Variants in RBFOX3 observed in about 807,000 individuals in gnomAD.
RBFOX3 encodes RNA binding protein fox-1 homolog 3.
RBFOX3 carries 17 observed loss-of-function variants against 48.7 expected under a neutral mutation model. The ratio of observed to expected loss-of-function variants is 0.35; its 90% CI spans 0.24 to 0.52. The LOEUF (loss-of-function observed/expected upper bound fraction) is 0.52. Among genes scored for constraint, RBFOX3 ranks in the 20% least tolerant of loss-of-function variants. The probability of loss-of-function intolerance (pLI) is 0.94; values close to 1 mark genes in which losing one functional copy is unlikely to be tolerated. For synonymous variants in RBFOX3, 212 were observed against 209.5 expected (o/e 1.01, Z -0.10); for missense variants, 382 against 497.5 (o/e 0.77, Z 2.21).
intron 2 of RBFOX3, among the ~76,000 whole-genome samples, chr17:79,388,530 GAGA>G (rs2060894520): frequency 6.6e-6 from 1 of 152,222 alleles, no homozygotes; most frequent in South Asian, 2.1e-4. Context: ...ATTTTTAAAA[GAGA>G]AGATTTTTAA....
intron 3 of RBFOX3, among the ~76,000 whole-genome samples, chr17:79,301,664 G>A (rs1263033104): frequency 1.3e-5 from 2 of 152,186 alleles, no homozygotes; most frequent in Non-Finnish European, 2.9e-5. Context: ...ACCCGCAGCA[G>A]CACTACTCCC....
intron 3 of RBFOX3, among the ~76,000 whole-genome samples, chr17:79,294,396 C>T (rs1040124530): frequency 6.6e-6 from 1 of 152,168 alleles, no homozygotes. Flanking sequence ...CTGCAACCTC[C>T]ATCTTCCGGG....
intron 2 of RBFOX3, among the ~76,000 whole-genome samples, chr17:79,370,339 G>C (rs1377981980): frequency 6.6e-6 from 1 of 152,210 alleles, no homozygotes; most frequent in East Asian, 1.9e-4. Context: ...CCCACCCAGG[G>C]CCTCACTTGA....
At position 79,526,520 on chromosome 17, in the gene RBFOX3, G is replaced by A. The variant is rs995366224; in HGVS notation, c.-319-43922C>T. On this transcript the variant is annotated intron_variant, in intron 1 of 14. Coordinates refer to ENST00000693108, the MANE Select transcript of RBFOX3 (RefSeq NM_001350451.2). ...GGCCTGAATGCCCCGAGTGGTCCCC[G>A]GACGCACTCTTGGACCAGGTCATGA... Among the ~76,000 whole-genome samples, 8 of 152,242 alleles carry A rather than the reference G, an allele frequency of 5.3e-5. No homozygotes were observed. The South Asian group carries it at 1.0e-3, about 20-fold the overall frequency.
chr17:79,477,328 A>C lies in RBFOX3; in HGVS notation c.-175+5126T>G, dbSNP rs1966092. ...TCCCAGCACTTTGGGAGGCCAAGGC[A>C]GGTGGATCACGAGGTCAGGAGATCG... On this transcript the variant is annotated intron_variant, in intron 2 of 14. Coordinates refer to ENST00000693108, the MANE Select transcript of RBFOX3 (RefSeq NM_001350451.2). This position sits in a 1 kb window ranked among gnomAD's most constrained non-coding sequence, Gnocchi z 4.8. Among the ~76,000 whole-genome samples the C allele has an allele frequency of 6.7e-6, 1 of 148,788 alleles. No homozygotes were observed. Among genetic ancestry groups the C allele is most frequent in the Admixed American group, 6.7e-5 (1 of 14,976 alleles).
intron 4 of RBFOX3, among the ~76,000 whole-genome samples, chr17:79,139,012 G>A (rs914440103): frequency 9.7e-5 from 11 of 113,038 alleles, no homozygotes; most frequent in African/African-American, 4.1e-4. Flanking sequence ...CACAGCACAT[G>A]CGTTCATGCC....
chr17:79,194,305 G>A (rs554046884), intron 4 of RBFOX3, among the ~76,000 whole-genome samples: 1 of 152,094 alleles, frequency 6.6e-6, no homozygotes, highest in African/African-American at 2.4e-5. Context: ...CAGGAATCTA[G>A]GTACAAACTG....
intron 2 of RBFOX3, among the ~76,000 whole-genome samples, chr17:79,424,451 G>C (rs113359808): frequency 6.6e-6 from 1 of 152,112 alleles, no homozygotes; most frequent in Non-Finnish European, 1.5e-5. Flanking sequence ...CGCTCCCCCC[G>C]CAACTGAGCT....
At chr17:79,184,254 C>A (rs912847930) in intron 4 of RBFOX3, among the ~76,000 whole-genome samples, 1 of 152,202 alleles carries the variant, frequency 6.6e-6, no homozygotes, top group East Asian at 1.9e-4. Flanking sequence ...ACATCCCAGC[C>A]TCCTGCCACA....
At chr17:79,657,563 C>T in the RBFOX3 span, among the ~76,000 whole-genome samples, 1 of 152,196 alleles carries the variant, frequency 6.6e-6, no homozygotes. Flanking sequence ...ACTGTAGTCC[C>T]AGCTACTCAG....
At chr17:79,637,446 C>G in the RBFOX3 span, among the ~76,000 whole-genome samples, 1 of 152,028 alleles carries the variant, frequency 6.6e-6, no homozygotes, top group Non-Finnish European at 1.5e-5. Flanking sequence ...GTAATCCCAG[C>G]ACTTTGGGAG....
the RBFOX3 span, among the ~76,000 whole-genome samples, chr17:79,623,123 G>T: frequency 1.3e-5 from 2 of 152,194 alleles, no homozygotes; most frequent in African/African-American, 4.8e-5. Flanking sequence ...AGAAGAGACT[G>T]CCTCCACTCA....
At chr17:79,620,545 GCATGCACA>G in the RBFOX3 span, among the ~76,000 whole-genome samples, 1 of 136,242 alleles carries the variant, frequency 7.3e-6, no homozygotes, top group African/African-American at 2.8e-5. Context: ...ATGCACACAC[GCATGCACA>G]CATGTGCACA....
At chr17:79,155,125 G>A (rs2065133838) in intron 4 of RBFOX3, among the ~76,000 whole-genome samples, 1 of 152,232 alleles carries the variant, frequency 6.6e-6, no homozygotes, top group South Asian at 2.1e-4. Context: ...AGCAGCTCCC[G>A]CCTAAGTACT....
Position 79,477,498 on chromosome 17 carries a change from G to A in RBFOX3, c.-175+4956C>T, listed in dbSNP as rs904004612. Among the ~76,000 whole-genome samples, 291 of 152,082 alleles carry A rather than the reference G, an allele frequency of 1.9e-3. 1 individual carries two copies. The highest frequency in any genetic ancestry group is 7.8e-4 in the Non-Finnish European group (53 of 67,988). ...GTGAACCCGGGAGGCGGAGTTTGCA[G>A]TGAGCTGAGATCGCCCCATCGCACT... On this transcript the variant is annotated intron_variant, in intron 2 of 14. Transcript: ENST00000693108. This position sits in a 1 kb window ranked among gnomAD's most constrained non-coding sequence, Gnocchi z 4.8.
chr17:79,629,549 A>C, the RBFOX3 span, among the ~76,000 whole-genome samples: 2 of 152,180 alleles, frequency 1.3e-5, no homozygotes, highest in African/African-American at 4.8e-5. Context: ...TGGGATTCGG[A>C]GTCAGTGTAA....
At chr17:79,465,587 A>T (rs1555753153) in intron 2 of RBFOX3, among the ~76,000 whole-genome samples, 1 of 152,156 alleles carries the variant, frequency 6.6e-6, no homozygotes, top group Non-Finnish European at 1.5e-5. Context: ...ACAAAAAAAA[A>T]AAAAATACAT....
At chr17:79,664,927 C>T in the RBFOX3 span, among the ~76,000 whole-genome samples, 1 of 152,192 alleles carries the variant, frequency 6.6e-6, no homozygotes, top group African/African-American at 2.4e-5. Flanking sequence ...CGTTAGAGCA[C>T]GTGTCAGAAT....
At chr17:79,172,370 T>G (rs1183085400) in intron 4 of RBFOX3, among the ~76,000 whole-genome samples, 2 of 152,166 alleles carry the variant, frequency 1.3e-5, no homozygotes, top group East Asian at 3.9e-4. Context: ...AGGTGAAACC[T>G]TTGTCACAGA....
Sources: gnomAD v4.1 joint callset for allele counts (sites outside exome capture counted in the v4.1 genomes callset) on GRCh38, gnomAD v4.1.1 for gene constraint, Gnocchi (gnomAD v3.1) non-coding constraint, MANE v1.5 for transcripts, NCBI Gene and HGNC (gene_info 2026-07-23, HGNC 2026-07-21) for gene names.